Variants in ACVR2A observed in about 807,000 individuals in gnomAD.
ACVR2A encodes the protein activin receptor type-2A.
Under a neutral mutation model 61.4 loss-of-function variants are expected in ACVR2A, and 7 were observed. The observed-to-expected ratio is 0.11, with a 90% CI of 0.06 to 0.21. The LOEUF is 0.21. ACVR2A is among the 10% of genes least tolerant of loss of function. ACVR2A has a pLI of 1.00. For synonymous variants in ACVR2A, 193 were observed against 208.3 expected (o/e 0.93, Z 0.63); for missense variants, 322 against 621.7 (o/e 0.52, Z 5.13).
intron 4 of ACVR2A, among the ~76,000 whole-genome samples, chr2:147,914,683 A>G (rs1276285748): frequency 1.3e-5 from 2 of 151,974 alleles, no homozygotes; most frequent in East Asian, 1.9e-4. Context: ...CCTATCTGCA[A>G]TGTGTTTAAG....
At chr2:147,923,962 C>T (rs1687444414) in intron 9 of ACVR2A, among the ~76,000 whole-genome samples, 1 of 151,948 alleles carries the variant, frequency 6.6e-6, no homozygotes. Context: ...CGTTGTAGGA[C>T]AGACTGCCAC....
At chr2:147,901,826 T>A (rs1686877190) in intron 4 of ACVR2A, among the ~76,000 whole-genome samples, 2 of 152,028 alleles carry the variant, frequency 1.3e-5, no homozygotes, top group South Asian at 4.1e-4. Context: ...AACTTCACTT[T>A]TGTCATCTTT....
At chr2:147,887,589 T>G (rs1431333320) in intron 1 of ACVR2A, among the ~76,000 whole-genome samples, 1 of 152,202 alleles carries the variant, frequency 6.6e-6, no homozygotes, top group Non-Finnish European at 1.5e-5. Flanking sequence ...TATCATTATT[T>G]TTATAAAAAT....
rs558172231 is a variant in ACVR2A, at chr2:147,927,303, A to T, written c.*29A>T. 1 of 1,581,542 alleles carries T rather than the reference A, an allele frequency of 6.3e-7. No homozygotes were observed. Among genetic ancestry groups the T allele is most frequent in the Non-Finnish European group, 8.6e-7 (1 of 1,165,028 alleles). ...TTGCGCCATCTGTGCACACTAAGAA[A>T]TGGGACTCTGAACTGGAGCTGCTAA... On this transcript the variant is annotated 3_prime_UTR_variant, in exon 11 of 11. Transcript: ENST00000241416.
intron 4 of ACVR2A, among the ~76,000 whole-genome samples, chr2:147,914,326 A>G (rs529569189): frequency 1.3e-5 from 2 of 152,050 alleles, no homozygotes; most frequent in South Asian, 4.1e-4. Context: ...CAGATAGGGA[A>G]CTGAGAGAAT....
At chr2:147,864,315 C>T (rs1028248652) in intron 1 of ACVR2A, among the ~76,000 whole-genome samples, 6 of 152,010 alleles carry the variant, frequency 3.9e-5, no homozygotes, top group African/African-American at 1.4e-4. Context: ...CTGCAACCTC[C>T]ACCTCCCAGT....
intron 1 of ACVR2A, among the ~76,000 whole-genome samples, chr2:147,861,497 T>A (rs1015909969): frequency 5.3e-5 from 8 of 152,292 alleles, no homozygotes; most frequent in African/African-American, 1.7e-4. Flanking sequence ...TTCAGTAGTA[T>A]ACAGGTTGAG....
At chr2:147,918,945 T>C (rs1296572182) in intron 7 of ACVR2A, among the ~76,000 whole-genome samples, 2 of 152,128 alleles carry the variant, frequency 1.3e-5, no homozygotes, top group Non-Finnish European at 2.9e-5. Flanking sequence ...GGAGAGACTT[T>C]GAATGTCTTC....
chr2:147,894,620 T>G (rs1686683903), intron 1 of ACVR2A, among the ~76,000 whole-genome samples: 1 of 152,138 alleles, frequency 6.6e-6, no homozygotes, highest in Non-Finnish European at 1.5e-5. Flanking sequence ...TCACCACTGA[T>G]CTCATCAGAA....
Position 147,896,590 on chromosome 2 carries a change from A to G in ACVR2A, c.263+82A>G, listed in dbSNP as rs529584511. 14 of 1,325,316 alleles carry G rather than the reference A, an allele frequency of 1.1e-5. No homozygotes were observed. In the South Asian group the frequency reaches 1.7e-4, roughly 16 times the overall value. 82.1% of individuals were successfully genotyped at this position (1,325,316 alleles called of 1,614,324 possible). A position where few individuals can be genotyped will look rare whatever the true frequency, so the allele number is the denominator to read the frequency against. The stretch of plus-strand genomic sequence containing the variant: ...TTTTTGAAAGGGGAAAGATCAGTGC[A>G]TAAATTTTCACTTAAATGTTTCTTG... On this transcript the variant is annotated intron_variant, in intron 2 of 10. Coordinates refer to ENST00000241416, the MANE Select transcript of ACVR2A (RefSeq NM_001616.5).
chr2:147,913,058 A>G (rs1337601738), intron 4 of ACVR2A, among the ~76,000 whole-genome samples: 1 of 151,754 alleles, frequency 6.6e-6, no homozygotes, highest in Non-Finnish European at 1.5e-5. Context: ...ATGTATGGGA[A>G]CTTGAAGTAT....
rs777529977 is a variant in ACVR2A, at chr2:147,927,746, C to G, written c.*472C>G. 6.5e-6 allele frequency: 1 copy of G among 153,174 alleles called. No individual in the cohort carries two copies. The highest frequency in any genetic ancestry group is 2.4e-5 in the African/African-American group (1 of 41,320). 9.5% of individuals were successfully genotyped at this position (153,174 alleles called of 1,614,324 possible). A position where few individuals can be genotyped will look rare whatever the true frequency, so the allele number is the denominator to read the frequency against. ...TTTCTATAAATGACTATTGTAATGC[C>G]AATATGACACAGCTTGTGAATGTTT... is the stretch of plus-strand genomic sequence containing the variant. On this transcript the variant is annotated 3_prime_UTR_variant, in exon 11 of 11. Transcript: ENST00000241416.
At chr2:147,915,573 A>C (rs988847462) in intron 5 of ACVR2A, among the ~76,000 whole-genome samples, 8 of 151,972 alleles carry the variant, frequency 5.3e-5, no homozygotes, top group African/African-American at 1.9e-4. Context: ...ATCTTTTGCC[A>C]GTGAAAATTC....
chr2:147,911,330 G>C (rs1687105329), intron 4 of ACVR2A, among the ~76,000 whole-genome samples: 1 of 152,016 alleles, frequency 6.6e-6, no homozygotes. Context: ...TCATATCTAA[G>C]GGGTTCTTTT....
intron 1 of ACVR2A, among the ~76,000 whole-genome samples, chr2:147,847,193 G>T (rs1367572780): frequency 6.6e-6 from 1 of 152,044 alleles, no homozygotes; most frequent in East Asian, 1.9e-4. Flanking sequence ...ATATTATGTT[G>T]TTGCATAGGC....
intron 1 of ACVR2A, among the ~76,000 whole-genome samples, chr2:147,854,101 T>G (rs942790762): frequency 2.2e-4 from 33 of 152,292 alleles, no homozygotes; most frequent in African/African-American, 7.7e-4. Context: ...TCTTGGGGGA[T>G]ATTTACATTT....
chr2:147,851,922 T>C (rs1326068726), intron 1 of ACVR2A, among the ~76,000 whole-genome samples: 2 of 152,060 alleles, frequency 1.3e-5, no homozygotes, highest in East Asian at 1.9e-4. Context: ...TCTTAATGTA[T>C]TGAAGTGGTG....
At position 147,922,959 on chromosome 2, in the gene ACVR2A, A is replaced by G; in HGVS notation, c.1078-14A>G. On this transcript the variant is annotated splice_polypyrimidine_tract_variant and intron_variant, in intron 8 of 10. Coordinates refer to ENST00000241416, the MANE Select transcript of ACVR2A (RefSeq NM_001616.5). ...TAATGAATGAGTACTCTTTGCTTTTAACATCTTTTTCAGGTTGGTACCCGG... is the reference window on the plus strand; with the variant it reads ...TAATGAATGAGTACTCTTTGCTTTTGACATCTTTTTCAGGTTGGTACCCGG... 6.3e-7 allele frequency: 1 copy of G among 1,596,788 alleles called. No individual in the cohort carries two copies. Among genetic ancestry groups the G allele is most frequent in the East Asian group, 2.2e-5 (1 of 44,808 alleles).
chr2:147,909,809 T>TA (rs2105206737), intron 4 of ACVR2A, among the ~76,000 whole-genome samples: 1 of 152,154 alleles, frequency 6.6e-6, no homozygotes, highest in South Asian at 2.1e-4. Flanking sequence ...AGCTAATTTT[T>TA]AAAAAATTTT....
Sources: gnomAD v4.1 joint callset for allele counts (sites outside exome capture counted in the v4.1 genomes callset) on GRCh38, gnomAD v4.1.1 for gene constraint, MANE v1.5 for transcripts, NCBI Gene and HGNC (gene_info 2026-07-23, HGNC 2026-07-21) for gene names.